KARS1: variants seen among roughly 807,000 people sequenced by gnomAD.
KARS1 encodes lysine--tRNA ligase.
A neutral mutation model predicts 63.9 loss-of-function variants in KARS1; 50 were observed. The observed-to-expected ratio is 0.78, with a 90% CI of 0.62 to 0.99. KARS1 has a LOEUF of 0.99. Among genes scored for constraint, KARS1 ranks in the 50% least tolerant of loss-of-function variants. The pLI, the probability that KARS1 is intolerant of heterozygous loss-of-function variation, is 0.00. For missense variants in KARS1, 816 were observed against 754.5 expected, an observed-to-expected ratio of 1.08 and a Z score of -0.95; for synonymous variants, 320 against 264.6, an observed-to-expected ratio of 1.21 and a Z score of -2.03.
chr16:75,634,967 G>A (rs910667254), intron 6 of KARS1, among the ~76,000 whole-genome samples: 6 of 152,116 alleles, frequency 3.9e-5, no homozygotes, highest in Non-Finnish European at 7.4e-5. Context: ...TGCTTATATT[G>A]TTTGACTTAT....
rs575122663 is a variant in KARS1, at chr16:75,630,800, C to T, written c.1339-292G>A. ...CAGGTGCCCGCCACCATACCCAGCT[C>T]ATTTTTGGATTTTTTGTAGAGACAG... On this transcript the variant is annotated intron_variant, in intron 10 of 13. Transcript: ENST00000302445. Among the ~76,000 whole-genome samples, 3 of 151,952 alleles carry T rather than the reference C, an allele frequency of 2.0e-5. No homozygotes were observed. The South Asian group carries it at 6.3e-4, about 32-fold the overall frequency.
Position 75,635,948 on chromosome 16 carries a change from A to G in KARS1, c.633T>C (p.His211=). Reference sequence around the variant, plus strand: ...GGCCAAAGTGAAGATGAGGTAACATATGCAAACAGGGAGACAGCAGTGTGA... The same window carrying G: ...GGCCAAAGTGAAGATGAGGTAACATGTGCAAACAGGGAGACAGCAGTGTGA... ...YEITLLSPCL[H]MLPHLHFGLK... is the part of the protein sequence containing the mutation. Residue 211 remains histidine, a synonymous_variant, in exon 5 of 14, where the codon CAT becomes CAC. Coordinates refer to ENST00000302445, the MANE Select transcript of KARS1 (RefSeq NM_005548.3). 7.4e-6 allele frequency: 12 copies of G among 1,614,200 alleles called. No individual in the cohort carries two copies. The highest frequency in any genetic ancestry group is 1.0e-5 in the Non-Finnish European group (12 of 1,180,030).
chr16:75,630,243 C>A (rs530704230), intron 11 of KARS1, among the ~76,000 whole-genome samples, 180 bp downstream of exon 11: 4 of 152,064 alleles, frequency 2.6e-5, no homozygotes, highest in Non-Finnish European at 4.4e-5. Flanking sequence ...GGAGTGACCA[C>A]GTGGAGGAGA....
chr16:75,630,001 C>T (rs2082094042), intron 11 of KARS1, among the ~76,000 whole-genome samples: 1 of 152,200 alleles, frequency 6.6e-6, no homozygotes, highest in Non-Finnish European at 1.5e-5. Flanking sequence ...TAAAATGGAC[C>T]ACACCTCTTG....
intron 7 of KARS1, 103 bp from the exon 8 acceptor site, chr16:75,631,958 G>A: frequency 7.3e-7 from 1 of 1,370,610 alleles, no homozygotes; most frequent in Non-Finnish European, 1.0e-6. Flanking sequence ...CAAGATCTCA[G>A]CTCACCGCAA....
At chr16:75,629,692 T>C in intron 11 of KARS1, 151 bp from the exon 12 acceptor site, 3 of 824,638 alleles carry the variant, frequency 3.6e-6, no homozygotes, top group South Asian at 2.7e-5. Flanking sequence ...CTCTGTCTCC[T>C]GGGTTCAAGC....
intron 1 of KARS1, among the ~76,000 whole-genome samples, chr16:75,646,813 C>T (rs942342952): frequency 7.3e-5 from 11 of 151,538 alleles, no homozygotes; most frequent in African/African-American, 2.7e-4. Flanking sequence ...GGATTAAGCC[C>T]TCTCGTATGC....
chr16:75,632,178 C>T (rs1406200664), intron 7 of KARS1, among the ~76,000 whole-genome samples: 1 of 152,172 alleles, frequency 6.6e-6, no homozygotes, highest in Non-Finnish European at 1.5e-5. Flanking sequence ...GCATGAGCCA[C>T]CGCGCCCGGC....
chr16:75,636,674 C>T lies in KARS1; in HGVS notation c.389-127G>A, dbSNP rs2082165812. Reference sequence around the variant, plus strand: ...TTTGGGACAGAGTCTTGCTCTGTTGCCCAGGCTGGAGTGCAGTGGCACGAT... The same window carrying T: ...TTTGGGACAGAGTCTTGCTCTGTTGTCCAGGCTGGAGTGCAGTGGCACGAT... On this transcript the variant is annotated intron_variant, in intron 3 of 13. Transcript: ENST00000302445. 32 of 620,748 alleles carry T rather than the reference C, an allele frequency of 5.2e-5. 1 individual carries two copies. The South Asian group carries it at 5.2e-4, about 10-fold the overall frequency. 38.5% of individuals were successfully genotyped at this position (620,748 alleles called of 1,614,324 possible).
chr16:75,647,501 T>C (rs2082301870), intron 1 of KARS1, 77 bp downstream of exon 1: 5 of 1,370,310 alleles, frequency 3.6e-6, no homozygotes, highest in Non-Finnish European at 5.1e-6. Flanking sequence ...CACAGCAGCC[T>C]TGGTGGGAAC....
chr16:75,637,493 A>G (rs1178494517), intron 3 of KARS1, among the ~76,000 whole-genome samples: 1 of 152,060 alleles, frequency 6.6e-6, no homozygotes, highest in African/African-American at 2.4e-5. Context: ...GATCTAAAGG[A>G]GGCCAGGTGC....
At chr16:75,642,176 G>A (rs1289045956) in intron 1 of KARS1, among the ~76,000 whole-genome samples, 1 of 135,812 alleles carries the variant, frequency 7.4e-6, no homozygotes, top group Non-Finnish European at 1.6e-5. Context: ...AGTTCCAACA[G>A]TGCCAGGTCT....
chr16:75,636,031 C>T lies in KARS1; in HGVS notation c.550G>A (p.Val184Ile), dbSNP rs546425968. The part of the protein sequence containing the change: ...NKLRRGDIIG[V>I]QGNPGKTKKG... Reference sequence around the variant, plus strand: ...TTGGTTTTACCAGGATTCCCCTGAACTCCAATTATGTCTCCCCGACGCAGT... The same window carrying T: ...TTGGTTTTACCAGGATTCCCCTGAATTCCAATTATGTCTCCCCGACGCAGT... The change falls in exon 5 of 14, where the codon GTT becomes ATT. Residue 184 changes from valine to isoleucine, a missense_variant. Val to Ile is a conservative substitution (Grantham distance 29, BLOSUM62 3). Transcript: ENST00000302445. 1.9e-6 allele frequency: 3 copies of T among 1,611,252 alleles called. No homozygotes were observed. Among genetic ancestry groups the T allele is most frequent in the African/African-American group, 1.3e-5 (1 of 74,982 alleles).
chr16:75,640,460 T>C, intron 2 of KARS1, 111 bp from the exon 3 acceptor site: 2 of 996,720 alleles, frequency 2.0e-6, no homozygotes, highest in South Asian at 1.3e-5. Context: ...AATACATTGT[T>C]TTCTTTAACC....
At chr16:75,644,845 T>G (rs1372818376) in intron 1 of KARS1, among the ~76,000 whole-genome samples, 1 of 151,980 alleles carries the variant, frequency 6.6e-6, no homozygotes, top group African/African-American at 2.4e-5. Flanking sequence ...AGGAAGCATA[T>G]AAAATAAGAG....
intron 5 of KARS1, 23 bp downstream of exon 5, chr16:75,635,889 G>T (rs748163106): frequency 6.2e-7 from 1 of 1,613,566 alleles, no homozygotes; most frequent in East Asian, 2.2e-5. Flanking sequence ...GGAGGCCACA[G>T]CTAGGAGGCC....
chr16:75,636,627 C>G (rs984327239), intron 3 of KARS1, 80 bp from the exon 4 acceptor site: 58 of 921,310 alleles, frequency 6.3e-5, no homozygotes, highest in Admixed American at 2.4e-4. Flanking sequence ...AAAACTCCCT[C>G]TGCATTTTTT....
chr16:75,639,791 TG>T (rs145790745), intron 3 of KARS1: 3,529 of 146,996 alleles, frequency 0.024, 107 homozygotes, highest in East Asian at 0.23. Context: ...TTTTTTTTTT[TG>T]TTTTTTAAAT....
chr16:75,638,498 T>C (rs1236248086), intron 3 of KARS1, among the ~76,000 whole-genome samples: 1 of 151,214 alleles, frequency 6.6e-6, no homozygotes, highest in African/African-American at 2.4e-5. Context: ...AAGCAAAAAA[T>C]TCTAACTTAC....
Sources: allele counts gnomAD v4.1 joint callset (sites outside exome capture counted in the v4.1 genomes callset), GRCh38; gene constraint gnomAD v4.1.1; transcripts MANE v1.5; gene names NCBI Gene and HGNC (gene_info 2026-07-23, HGNC 2026-07-21).